Variants in DRC4 observed in about 807,000 individuals in gnomAD.
DRC4 encodes the protein GAS-11.
the DRC4 span, chr16:90,042,417 G>T: frequency 6.5e-7 from 1 of 1,549,576 alleles, no homozygotes; most frequent in Non-Finnish European, 8.9e-7. Flanking sequence ...GGCCGCTCCC[G>T]TTGCCTCGGC....
At chr16:90,036,022 A>G in the DRC4 span, 1 of 940,752 alleles carries the variant, frequency 1.1e-6, no homozygotes, top group Middle Eastern at 3.7e-4. Context: ...AGAAGGCTCC[A>G]ATTTCAGAAG....
At chr16:90,034,742 G>A in the DRC4 span, among the ~76,000 whole-genome samples, 1 of 151,118 alleles carries the variant, frequency 6.6e-6, no homozygotes, top group Non-Finnish European at 1.5e-5. Flanking sequence ...TTTATTTTTA[G>A]AGATGAGGTC....
chr16:90,020,307 A>G, the DRC4 span, among the ~76,000 whole-genome samples: 1 of 148,430 alleles, frequency 6.7e-6, no homozygotes. Context: ...GTATGTCTCA[A>G]AAAAAAAAAA....
chr16:90,035,985 A>T, the DRC4 span: 1 of 1,148,002 alleles, frequency 8.7e-7, no homozygotes, highest in Non-Finnish European at 1.2e-6. Context: ...CCTTCTTAAA[A>T]TAGTCTTCTC....
chr16:90,034,780 A>G, the DRC4 span, among the ~76,000 whole-genome samples: 26 of 151,458 alleles, frequency 1.7e-4, no homozygotes, highest in Non-Finnish European at 3.1e-4. Flanking sequence ...CTGCAGTGCA[A>G]TGGTACAATC....
the DRC4 span, chr16:90,036,261 G>C: frequency 5.9e-6 from 5 of 841,514 alleles, no homozygotes; most frequent in Non-Finnish European, 7.6e-6. Context: ...CAGAGCTTTT[G>C]CCTGCAAGGC....
chr16:90,033,108 G>C, the DRC4 span, among the ~76,000 whole-genome samples: 2 of 152,060 alleles, frequency 1.3e-5, no homozygotes, highest in South Asian at 2.1e-4. Flanking sequence ...CCCATTTTGG[G>C]ACCAAGTACA....
At chr16:90,043,190 C>G in the DRC4 span, 1 of 1,608,346 alleles carries the variant, frequency 6.2e-7, no homozygotes, top group South Asian at 1.1e-5. Flanking sequence ...TGCCCTGTCT[C>G]CACAGGCCCA....
the DRC4 span, chr16:90,029,242 C>G: frequency 7.3e-7 from 1 of 1,366,666 alleles, no homozygotes; most frequent in African/African-American, 1.5e-5. Context: ...GCACATCGCA[C>G]GTTGAGCCAC....
At chr16:90,035,832 T>C in the DRC4 span, 1 of 1,557,374 alleles carries the variant, frequency 6.4e-7, no homozygotes, top group Non-Finnish European at 8.7e-7. Flanking sequence ...CATGGAAGTT[T>C]CCAAGGCCAG....
chr16:90,041,761 T>C, the DRC4 span, among the ~76,000 whole-genome samples: 1 of 151,776 alleles, frequency 6.6e-6, no homozygotes, highest in African/African-American at 2.4e-5. Context: ...ATCGCGCCAC[T>C]GCACTCCAGC....
chr16:90,037,160 C>A, the DRC4 span: 1 of 1,471,434 alleles, frequency 6.8e-7, no homozygotes, highest in Non-Finnish European at 9.1e-7. Context: ...GCACCCAGCT[C>A]TCACCATGCA....
the DRC4 span, among the ~76,000 whole-genome samples, chr16:90,033,158 G>A: frequency 5.9e-5 from 9 of 152,198 alleles, no homozygotes; most frequent in Non-Finnish European, 1.2e-4. Context: ...TGACGTCACC[G>A]AAGAGAAAAA....
chr16:90,039,878 C>T, the DRC4 span: 1 of 259,948 alleles, frequency 3.8e-6, no homozygotes, highest in Non-Finnish European at 7.7e-6. Flanking sequence ...TGGGGCTGGC[C>T]AAGGGAGCAT....
the DRC4 span, chr16:90,037,433 G>A: frequency 6.3e-7 from 1 of 1,586,208 alleles, no homozygotes; most frequent in Non-Finnish European, 8.6e-7. Flanking sequence ...TCCCTCCTTG[G>A]CATGAGCTTG....
the DRC4 span, chr16:90,022,593 G>T: frequency 9.1e-7 from 1 of 1,097,502 alleles, no homozygotes; most frequent in South Asian, 2.1e-5. Flanking sequence ...CAGGGCCGCT[G>T]CCCGGCGGAG....
chr16:90,023,601 A>ACACGTCTC, the DRC4 span, among the ~76,000 whole-genome samples: 89 of 137,890 alleles, frequency 6.5e-4, 5 homozygotes, highest in Middle Eastern at 7.1e-3. Context: ...GAGTGGAGGG[A>ACACGTCTC]TTAAAAAGAG....
chr16:90,027,679 C>A, the DRC4 span: 1 of 1,614,178 alleles, frequency 6.2e-7, no homozygotes, highest in Non-Finnish European at 8.5e-7. Flanking sequence ...AAAGGCACCC[C>A]GATTGTCGAT....
the DRC4 span, chr16:90,044,722 C>T: frequency 7.2e-6 from 3 of 419,026 alleles, no homozygotes; most frequent in Middle Eastern, 6.3e-4. Flanking sequence ...TGCCCTGCCA[C>T]CTGTCAGACT....
Sources: gnomAD v4.1 joint callset for allele counts (sites outside exome capture counted in the v4.1 genomes callset) on GRCh38, gnomAD v4.1.1 for gene constraint, MANE v1.5 for transcripts, NCBI Gene and HGNC (gene_info 2026-07-23, HGNC 2026-07-21) for gene names.